The following FAM53A variants were observed in gnomAD, a reference collection of about 807,000 sequenced individuals.
FAM53A encodes protein FAM53A.
In FAM53A, 28 loss-of-function variants were observed where a neutral mutation model predicts 26.6. The ratio of observed to expected loss-of-function variants is 1.05; its 90% CI spans 0.78 to 1.45. The LOEUF (loss-of-function observed/expected upper bound fraction) is 1.45. Among genes scored for constraint, FAM53A ranks in the 40% most tolerant of loss-of-function variants. The probability of loss-of-function intolerance (pLI) is 0.00; values close to 1 mark genes in which losing one functional copy is unlikely to be tolerated. For synonymous variants in FAM53A, 290 were observed against 253.1 expected, an observed-to-expected ratio of 1.15 and a Z score of -1.38; for missense variants, 650 against 575.8, an observed-to-expected ratio of 1.13 and a Z score of -1.32.
At chr4:1,599,734 C>T in the FAM53A span, among the ~76,000 whole-genome samples, 4 of 152,088 alleles carry the variant, frequency 2.6e-5, no homozygotes, top group Admixed American at 6.5e-5. The surrounding 1 kb of genome is among the most constrained non-coding windows in gnomAD (Gnocchi z 6.1). Context: ...GTCAAACACA[C>T]GTGCACAGAC....
rs573281900 is a variant in FAM53A at position 1,631,211 on chromosome 4, C to T, written c.432-13100G>A. 2.9e-3 allele frequency among the ~76,000 whole-genome samples: 437 copies of T among 152,280 alleles called. 2 individuals are homozygous for T. The highest frequency in any genetic ancestry group is 1.0e-2 in the African/African-American group (414 of 41,582). ...CGACTTGGAGCGGGGCTGAGGCAGG[C>T]GGAGACCCTGCTTGGGGCTTCCCAG... is the stretch of plus-strand genomic sequence containing the variant. On this transcript the variant is annotated intron_variant, in intron 1 of 1. Coordinates refer to the FAM53A transcript ENST00000489029.
chr4:1,581,261 C>CACTCAGAGCCCCACCTCT, the FAM53A span, among the ~76,000 whole-genome samples: 2 of 149,858 alleles, frequency 1.3e-5, no homozygotes, highest in African/African-American at 4.9e-5. Flanking sequence ...CCCCGCTTCC[C>CACTCAGAGCCCCACCTCT]ACTCAGAGCC....
chr4:1,682,702 A>G (rs552031687), intron 1 of FAM53A, among the ~76,000 whole-genome samples: 60 of 152,150 alleles, frequency 3.9e-4, no homozygotes, highest in African/African-American at 1.4e-3. Context: ...TTTCCTGTGC[A>G]CATCATTGCA....
At chr4:1,594,299 G>T in the FAM53A span, among the ~76,000 whole-genome samples, 1 of 152,222 alleles carries the variant, frequency 6.6e-6, no homozygotes, top group African/African-American at 2.4e-5. Context: ...GGAGGTGGAA[G>T]AAGGGGAGGG....
At chr4:1,598,462 A>C in the FAM53A span, among the ~76,000 whole-genome samples, 2 of 152,210 alleles carry the variant, frequency 1.3e-5, no homozygotes, top group African/African-American at 2.4e-5. Flanking sequence ...ATCCCCAAAC[A>C]ATGAGGCTGA....
intron 1 of FAM53A, among the ~76,000 whole-genome samples, chr4:1,631,262 T>C (rs1715599102): frequency 6.6e-6 from 1 of 152,104 alleles, no homozygotes; most frequent in African/African-American, 2.4e-5. Flanking sequence ...GGAGCTGCAA[T>C]AGCAGCGGTG....
intron 1 of FAM53A, among the ~76,000 whole-genome samples, chr4:1,621,548 T>TG (rs1479327595): frequency 2.2e-4 from 34 of 151,930 alleles, no homozygotes; most frequent in Non-Finnish European, 3.8e-4. Context: ...TGGGGGACAG[T>TG]GGGGTGGATC....
chr4:1,641,653 A>G, intron 4 of FAM53A, 46 bp from the exon 5 acceptor site: 1 of 1,599,424 alleles, frequency 6.3e-7, no homozygotes, highest in South Asian at 1.1e-5. Flanking sequence ...AGCAGATCAC[A>G]CAGGAGGCAG....
chr4:1,665,483 A>G (rs1268286502), intron 2 of FAM53A, among the ~76,000 whole-genome samples: 2 of 150,580 alleles, frequency 1.3e-5, no homozygotes, highest in Non-Finnish European at 3.0e-5. Flanking sequence ...GCAAGACTCC[A>G]TCTCAAAAAA....
intron 2 of FAM53A, among the ~76,000 whole-genome samples, chr4:1,662,887 G>A (rs74503806): frequency 0.087 from 13,176 of 152,032 alleles, 1,657 homozygotes; most frequent in African/African-American, 0.27. Flanking sequence ...ACAATAACAC[G>A]CGTTGATGAG....
chr4:1,660,572 G>T (rs1713753419), intron 2 of FAM53A, among the ~76,000 whole-genome samples: 1 of 152,154 alleles, frequency 6.6e-6, no homozygotes, highest in Admixed American at 6.5e-5. Context: ...GGGCAACACA[G>T]CAAGACCCTG....
intron 1 of FAM53A, among the ~76,000 whole-genome samples, chr4:1,631,964 A>T (rs1023628799): frequency 6.6e-6 from 1 of 152,124 alleles, no homozygotes; most frequent in Non-Finnish European, 1.5e-5. Flanking sequence ...GGAGTCTGAG[A>T]CCAGCCTGGC....
At chr4:1,672,666 T>C (rs1208884985) in intron 1 of FAM53A, among the ~76,000 whole-genome samples, 1 of 151,662 alleles carries the variant, frequency 6.6e-6, no homozygotes, top group East Asian at 1.9e-4. Context: ...ACAGCAGGTT[T>C]GCCCGGAAGG....
At chr4:1,657,370 C>T in intron 3 of FAM53A, 38 bp downstream of exon 3, 1 of 1,595,312 alleles carries the variant, frequency 6.3e-7, no homozygotes, top group Non-Finnish European at 8.6e-7. Context: ...AGTCCCAGCC[C>T]TGCTCAGGCC....
chr4:1,678,834 T>C (rs918504240), intron 1 of FAM53A, among the ~76,000 whole-genome samples: 3 of 151,612 alleles, frequency 2.0e-5, no homozygotes, highest in Non-Finnish European at 4.4e-5. Context: ...AAAAAAGACA[T>C]GGAGTGTATG....
In FAM53A at chr4:1,617,968, C is replaced by T. The variant is rs112290279; in HGVS notation, c.*105G>A. On this transcript the variant is annotated 3_prime_UTR_variant, in exon 2 of 2. Transcript: ENST00000489029. ...GAGAGAAGTCGCTGCGATGGTGCCA[C>T]CACAACAGAACTGACGTGTGTCACG... is the stretch of plus-strand genomic sequence containing the variant. 141 of 446,406 alleles carry T rather than the reference C, an allele frequency of 3.2e-4. 1 individual carries two copies. Among genetic ancestry groups the T allele is most frequent in the African/African-American group, 2.5e-3 (123 of 49,994 alleles). The allele number at this position is 446,406 out of a possible 1,614,324, so 27.7% of individuals were successfully genotyped here.
intron 1 of FAM53A, among the ~76,000 whole-genome samples, chr4:1,629,369 AGCTGGGCCC>A (rs1192173249): frequency 6.6e-6 from 1 of 152,194 alleles, no homozygotes; most frequent in Non-Finnish European, 1.5e-5. Flanking sequence ...ACCACCCGGC[AGCTGGGCCC>A]GCCAGGGAAA....
chr4:1,620,775 C>T (rs1714993330), intron 1 of FAM53A, among the ~76,000 whole-genome samples: 2 of 152,100 alleles, frequency 1.3e-5, no homozygotes, highest in Non-Finnish European at 2.9e-5. Context: ...CTGCCAACAA[C>T]AACAACATAA....
chr4:1,622,703 G>A (rs1247439022), intron 1 of FAM53A, among the ~76,000 whole-genome samples: 1 of 152,212 alleles, frequency 6.6e-6, no homozygotes, highest in Non-Finnish European at 1.5e-5. Context: ...GGGAACAGCG[G>A]CTGTTTGGCT....
Sources: allele counts gnomAD v4.1 joint callset (sites outside exome capture counted in the v4.1 genomes callset), GRCh38; gene constraint gnomAD v4.1.1; non-coding constraint Gnocchi (gnomAD v3.1); transcripts MANE v1.5; gene names NCBI Gene and HGNC (gene_info 2026-07-23, HGNC 2026-07-21).